Variants in GABRA4 observed in about 807,000 individuals in gnomAD.
GABRA4 encodes the protein gamma-aminobutyric acid receptor subunit alpha-4.
Under a neutral mutation model 49.7 loss-of-function variants are expected in GABRA4, and 12 were observed. The ratio of observed to expected loss-of-function variants is 0.24; its 90% CI spans 0.15 to 0.39. The LOEUF is 0.39. Ranked by LOEUF, GABRA4 falls within the 10% of genes least tolerant of loss-of-function variation. The probability of loss-of-function intolerance (pLI) is 1.00; values close to 1 mark genes in which losing one functional copy is unlikely to be tolerated. For missense variants in GABRA4, 506 were observed against 686.0 expected (o/e 0.74, Z 2.93); for synonymous variants, 288 against 240.2 (o/e 1.20, Z -1.84).
In GABRA4 at chr4:46,920,038, AT is replaced by A. The variant is rs1363754178; in HGVS notation, c.*8186del. 6.6e-6 allele frequency: 1 copy of A among 151,692 alleles called. No individual in the cohort carries two copies. Among genetic ancestry groups the A allele is most frequent in the South Asian group, 2.1e-4 (1 of 4,834 alleles). 9.4% of individuals were successfully genotyped at this position (151,692 alleles called of 1,614,324 possible). On this transcript the variant is annotated 3_prime_UTR_variant, in exon 9 of 9. Transcript: ENST00000264318. ...GGAGACAATATACATAATCAGTAAA[AT>A]GACAAGCCAACATGCTGCACTGTGT...
intron 8 of GABRA4, among the ~76,000 whole-genome samples, chr4:46,959,265 A>T (rs1409827371): frequency 6.6e-6 from 1 of 151,944 alleles, no homozygotes; most frequent in East Asian, 1.9e-4. Context: ...TAGAATCAGG[A>T]GGATGGGTGG....
At chr4:46,948,469 T>C (rs914469265) in intron 8 of GABRA4, among the ~76,000 whole-genome samples, 1 of 152,128 alleles carries the variant, frequency 6.6e-6, no homozygotes, top group African/African-American at 2.4e-5. Flanking sequence ...ATTGCTTGCA[T>C]TGCTGAGAGT....
chr4:46,969,563 A>G (rs1367014417), intron 7 of GABRA4, among the ~76,000 whole-genome samples: 1 of 151,554 alleles, frequency 6.6e-6, no homozygotes, highest in Non-Finnish European at 1.5e-5. Context: ...AACACTTAAA[A>G]GTCAAGGAAA....
chr4:46,963,844 C>T (rs182916636), intron 8 of GABRA4, among the ~76,000 whole-genome samples: 1 of 151,694 alleles, frequency 6.6e-6, no homozygotes, highest in Admixed American at 6.6e-5. Context: ...CTATGGAGAA[C>T]AGTTGGAGAG....
intron 8 of GABRA4, among the ~76,000 whole-genome samples, chr4:46,934,335 C>A (rs2109340550): frequency 6.6e-6 from 1 of 152,200 alleles, no homozygotes; most frequent in Middle Eastern, 3.4e-3. Context: ...GGTAGAGCAG[C>A]TAGAACTAAA....
chr4:46,976,393 G>C (rs1233972662), intron 5 of GABRA4, among the ~76,000 whole-genome samples: 1 of 137,210 alleles, frequency 7.3e-6, no homozygotes, highest in South Asian at 2.4e-4. Context: ...AAGTGGAACT[G>C]TAAAATGTCA....
intron 7 of GABRA4, among the ~76,000 whole-genome samples, chr4:46,966,150 A>G (rs931272656): frequency 3.3e-5 from 5 of 151,760 alleles, no homozygotes; most frequent in Admixed American, 2.6e-4. Context: ...CTATTTCTGC[A>G]TCTATATATG....
chr4:46,971,840 G>A (rs1281330487), intron 6 of GABRA4, among the ~76,000 whole-genome samples: 1 of 150,490 alleles, frequency 6.6e-6, no homozygotes, highest in South Asian at 2.1e-4. Context: ...AAATATAGAC[G>A]TGTATAACAT....
At chr4:46,959,758 C>CAAA (rs67861758) in intron 8 of GABRA4, among the ~76,000 whole-genome samples, 26,552 of 82,046 alleles carry the variant, frequency 0.32, 2,939 homozygotes, top group Non-Finnish European at 0.37. Context: ...CATCACTTTG[C>CAAA]AAAAAAAAAA....
intron 8 of GABRA4, among the ~76,000 whole-genome samples, chr4:46,951,579 C>A (rs866549819): frequency 1.7e-4 from 26 of 151,936 alleles, no homozygotes; most frequent in South Asian, 2.1e-4. Flanking sequence ...TTGCCAAATT[C>A]TCTTTGGAGA....
intron 8 of GABRA4, among the ~76,000 whole-genome samples, chr4:46,933,998 T>A (rs1333759554): frequency 6.6e-6 from 1 of 152,094 alleles, no homozygotes; most frequent in Non-Finnish European, 1.5e-5. Flanking sequence ...TTCTAAATAA[T>A]TTTTATCAAC....
chr4:46,955,355 T>C (rs1011187451), intron 8 of GABRA4, among the ~76,000 whole-genome samples: 1 of 152,130 alleles, frequency 6.6e-6, no homozygotes, highest in Non-Finnish European at 1.5e-5. Flanking sequence ...TTGATGCGAA[T>C]GTTGGCATTT....
At chr4:46,971,581 A>G (rs2109385757) in intron 6 of GABRA4, among the ~76,000 whole-genome samples, 1 of 151,572 alleles carries the variant, frequency 6.6e-6, no homozygotes, top group South Asian at 2.1e-4. Context: ...ATTTAGACCT[A>G]TCTTCTATGA....
At chr4:46,977,029 T>C in intron 5 of GABRA4, 32 bp downstream of exon 5, 9 of 1,349,888 alleles carry the variant, frequency 6.7e-6, no homozygotes, top group Non-Finnish European at 8.5e-6. Flanking sequence ...GAGGTAATCA[T>C]AAATTCTAGC....
chr4:46,963,843 A>G (rs1320096723), intron 8 of GABRA4, among the ~76,000 whole-genome samples: 1 of 151,812 alleles, frequency 6.6e-6, no homozygotes, highest in Non-Finnish European at 1.5e-5. Flanking sequence ...ACTATGGAGA[A>G]CAGTTGGAGA....
At position 46,993,326 on chromosome 4, in the gene GABRA4, CCA is replaced by C. The variant is rs1451509096; in HGVS notation, c.86+11_86+12del. On this transcript the variant is annotated intron_variant, in intron 1 of 8. Transcript: ENST00000264318. ...TTTCCGTTGCCCACCTCCTCGCACC[CCA>C]GAGAACTCACCAAACCGCCAGGCAC... 6.2e-7 allele frequency: 1 copy of C among 1,612,972 alleles called. No homozygotes were observed. Among genetic ancestry groups the C allele is most frequent in the African/African-American group, 1.3e-5 (1 of 74,920 alleles).
At chr4:46,934,955 A>T (rs1721558425) in intron 8 of GABRA4, among the ~76,000 whole-genome samples, 1 of 152,176 alleles carries the variant, frequency 6.6e-6, no homozygotes, top group Non-Finnish European at 1.5e-5. Flanking sequence ...CCCTGGAGAG[A>T]AAAGAGTGCA....
chr4:46,954,556 CAAAAAAAA>C lies in GABRA4; in HGVS notation c.1134+10406_1134+10413del, dbSNP rs60422399. ...TGGGCAACAATAGTGAAACGCCATC[CAAAAAAAA>C]AAAAAAAAAGAGTGCAGAGCAAACT... On this transcript the variant is annotated intron_variant, in intron 8 of 8. Transcript: ENST00000264318. Among the ~76,000 whole-genome samples, 22 of 88,854 alleles carry C rather than the reference CAAAAAAAA, an allele frequency of 2.5e-4. No homozygotes were observed. In the East Asian group the frequency reaches 5.0e-3, roughly 20 times the overall value. The allele number at this position is 88,854 out of a possible 152,430, so 58.3% of individuals were successfully genotyped here. A position where few individuals can be genotyped will look rare whatever the true frequency, so the allele number is the denominator to read the frequency against.
intron 2 of GABRA4, 74 bp downstream of exon 2, chr4:46,992,754 C>T (rs1723804970): frequency 1.9e-6 from 2 of 1,058,824 alleles, no homozygotes; most frequent in Admixed American, 3.4e-5. Context: ...TAATGATATT[C>T]CCACAGACAG....
Sources: gnomAD v4.1 joint callset for allele counts (sites outside exome capture counted in the v4.1 genomes callset) on GRCh38, gnomAD v4.1.1 for gene constraint, MANE v1.5 for transcripts, NCBI Gene and HGNC (gene_info 2026-07-23, HGNC 2026-07-21) for gene names.